The following FOXP2 variants were observed in gnomAD, a reference collection of about 807,000 sequenced individuals.
FOXP2 encodes the protein forkhead box P2, also known as forkhead box protein P2.
In FOXP2, 12 loss-of-function variants were observed where a neutral mutation model predicts 115.8. The observed-to-expected ratio is 0.10, with a 90% CI of 0.07 to 0.17. The LOEUF is 0.17. Among genes scored for constraint, FOXP2 ranks in the 10% least tolerant of loss-of-function variants. FOXP2 has a pLI of 1.00. For synonymous variants in FOXP2, 328 were observed against 297.7 expected (o/e 1.10, Z -1.05); for missense variants, 629 against 843.5 (o/e 0.75, Z 3.15).
intron 1 of FOXP2, among the ~76,000 whole-genome samples, chr7:114,111,132 A>AGGTT (rs1791258127): frequency 6.6e-6 from 1 of 152,046 alleles, no homozygotes; most frequent in Admixed American, 6.6e-5. Context: ...AATCAATCAC[A>AGGTT]CCTCCCAGTA....
At chr7:114,266,407 A>G (rs1584592279) in intron 1 of FOXP2, among the ~76,000 whole-genome samples, 1 of 152,174 alleles carries the variant, frequency 6.6e-6, no homozygotes, top group East Asian at 1.9e-4. Flanking sequence ...TACAGGAAGC[A>G]TGGTGCCAGC....
chr7:114,576,513 A>C (rs1276491352), intron 3 of FOXP2, among the ~76,000 whole-genome samples: 1 of 151,916 alleles, frequency 6.6e-6, no homozygotes, highest in East Asian at 1.9e-4. Flanking sequence ...CCCCTTGATG[A>C]TTCACCAAAG....
At chr7:114,290,491 A>G (rs1796565923) in intron 2 of FOXP2, among the ~76,000 whole-genome samples, 1 of 152,068 alleles carries the variant, frequency 6.6e-6, no homozygotes, top group African/African-American at 2.4e-5. Context: ...ATTTATAGAA[A>G]ATTGCTATAA....
chr7:114,577,628 C>G (rs943110643), intron 3 of FOXP2, among the ~76,000 whole-genome samples: 1 of 151,876 alleles, frequency 6.6e-6, no homozygotes, highest in Non-Finnish European at 1.5e-5. Flanking sequence ...TCTTTCCCAC[C>G]AGACTTCCTC....
chr7:114,654,183 T>A lies in FOXP2; in HGVS notation c.1266+174T>A, dbSNP rs1014636254. 1.3e-4 allele frequency: 186 copies of A among 1,435,842 alleles called. 1 individual carries two copies. Among genetic ancestry groups the A allele is most frequent in the South Asian group, 5.2e-4 (39 of 75,692 alleles). The allele number at this position is 1,435,842 out of a possible 1,614,324, so 88.9% of individuals were successfully genotyped here. On this transcript the variant is annotated intron_variant, in intron 10 of 16. Transcript: ENST00000350908. Reference sequence around the variant, plus strand: ...GTATGTTTCTTTTAAAGTAATGCTATCTTTTACAAAATCTATCCAATCTAC... The same window carrying A: ...GTATGTTTCTTTTAAAGTAATGCTAACTTTTACAAAATCTATCCAATCTAC...
intron 3 of FOXP2, among the ~76,000 whole-genome samples, chr7:114,547,582 C>A (rs975303235): frequency 1.3e-4 from 20 of 152,030 alleles, no homozygotes; most frequent in Non-Finnish European, 7.3e-5. Context: ...ACGGTGAAAC[C>A]CCGTCTCTAC....
chr7:114,671,841 T>C (rs1807501623), intron 16 of FOXP2, among the ~76,000 whole-genome samples: 1 of 152,220 alleles, frequency 6.6e-6, no homozygotes, highest in South Asian at 2.1e-4. Context: ...TATGTGAAGG[T>C]AATTTACATG....
intron 3 of FOXP2, among the ~76,000 whole-genome samples, 159 bp downstream of exon 3, chr7:114,534,865 GA>G (rs1203997784): frequency 1.3e-4 from 19 of 151,588 alleles, no homozygotes. Context: ...TCTTAAAGGA[GA>G]AAAAAATAAT....
At chr7:114,623,240 A>G (rs1030115670) in intron 3 of FOXP2, among the ~76,000 whole-genome samples, 9 of 152,110 alleles carry the variant, frequency 5.9e-5, no homozygotes, top group Admixed American at 2.0e-4. Flanking sequence ...TTAGGAGCCT[A>G]ATGAACAATG....
At chr7:114,429,907 A>G (rs1357577403) in intron 2 of FOXP2, among the ~76,000 whole-genome samples, 1 of 151,706 alleles carries the variant, frequency 6.6e-6, no homozygotes, top group East Asian at 1.9e-4. Flanking sequence ...AAATAACACC[A>G]TTATCTGTAC....
intron 3 of FOXP2, among the ~76,000 whole-genome samples, chr7:114,595,334 C>G (rs919103796): frequency 6.6e-6 from 1 of 151,888 alleles, no homozygotes; most frequent in Non-Finnish European, 1.5e-5. Context: ...ATTTTTATTA[C>G]CAGAAACAGA....
chr7:114,564,074 T>A (rs7797335), intron 3 of FOXP2, among the ~76,000 whole-genome samples: 110,647 of 151,752 alleles, frequency 0.73, 41,119 homozygotes, highest in East Asian at 0.98. Context: ...AAAACAAACA[T>A]ACAAACAAAC....
At chr7:114,545,306 T>G (rs1431352433) in intron 3 of FOXP2, among the ~76,000 whole-genome samples, 3 of 152,160 alleles carry the variant, frequency 2.0e-5, no homozygotes, top group Non-Finnish European at 4.4e-5. Flanking sequence ...AGCACTAACT[T>G]TTGTTTGTTT....
At chr7:114,492,888 G>T (rs1179589054) in intron 2 of FOXP2, among the ~76,000 whole-genome samples, 1 of 152,100 alleles carries the variant, frequency 6.6e-6, no homozygotes, top group East Asian at 1.9e-4. Flanking sequence ...TGTATATTCT[G>T]TTGATTTGGG....
chr7:114,557,033 T>G (rs2129289484), intron 3 of FOXP2, among the ~76,000 whole-genome samples: 1 of 152,334 alleles, frequency 6.6e-6, no homozygotes, highest in South Asian at 2.1e-4. Context: ...TTTTCATTTC[T>G]TGAAATTAAT....
At chr7:114,567,804 C>T (rs1422256329) in intron 3 of FOXP2, among the ~76,000 whole-genome samples, 4 of 151,994 alleles carry the variant, frequency 2.6e-5, no homozygotes, top group Non-Finnish European at 4.4e-5. Flanking sequence ...CTCTTACCAA[C>T]ATTCTGTCTC....
intron 2 of FOXP2, among the ~76,000 whole-genome samples, chr7:114,332,727 A>G (rs1797742121): frequency 6.6e-6 from 1 of 152,128 alleles, no homozygotes; most frequent in Admixed American, 6.6e-5. Context: ...TGTTGCCCCC[A>G]TTCATTGTTC....
At chr7:114,627,066 G>A (rs1804630161) in intron 3 of FOXP2, among the ~76,000 whole-genome samples, 1 of 151,478 alleles carries the variant, frequency 6.6e-6, no homozygotes, top group South Asian at 2.1e-4. Context: ...CTATTTTTCA[G>A]TATTAAATAT....
intron 1 of FOXP2, among the ~76,000 whole-genome samples, chr7:114,255,797 T>A (rs1453192693): frequency 6.6e-6 from 1 of 152,092 alleles, no homozygotes; most frequent in Non-Finnish European, 1.5e-5. Context: ...CCACCCACTG[T>A]CCTGCAACCA....
Sources: gnomAD v4.1 joint callset for allele counts (sites outside exome capture counted in the v4.1 genomes callset) on GRCh38, gnomAD v4.1.1 for gene constraint, MANE v1.5 for transcripts, NCBI Gene and HGNC (gene_info 2026-07-23, HGNC 2026-07-21) for gene names.